Variants in LIN54 observed in about 807,000 individuals in gnomAD.
LIN54 encodes lin-54 DREAM MuvB core complex component, also known as protein lin-54 homolog.
Under a neutral mutation model 78.7 loss-of-function variants are expected in LIN54, and 9 were observed. That is an observed-to-expected ratio of 0.11 (90% CI 0.07 to 0.20). LIN54 has a LOEUF of 0.20. Among genes scored for constraint, LIN54 ranks in the 10% least tolerant of loss-of-function variants. The pLI is 1.00. For missense variants in LIN54, 573 were observed against 889.9 expected, an observed-to-expected ratio of 0.64 and a Z score of 4.53; for synonymous variants, 269 against 318.4, an observed-to-expected ratio of 0.84 and a Z score of 1.65.
At chr4:82,978,121 G>T (rs1451163895) in intron 3 of LIN54, among the ~76,000 whole-genome samples, 1 of 152,206 alleles carries the variant, frequency 6.6e-6, no homozygotes, top group Non-Finnish European at 1.5e-5. Flanking sequence ...GCTGGATTGG[G>T]AGTAGAAAGG....
At chr4:82,935,787 A>G (rs1490873178) in intron 11 of LIN54, among the ~76,000 whole-genome samples, 194 bp downstream of exon 11, 1 of 152,154 alleles carries the variant, frequency 6.6e-6, no homozygotes, top group Non-Finnish European at 1.5e-5. Context: ...CTGTAATAAT[A>G]AACCCAAGGT....
chr4:82,972,486 G>A (rs748962773), intron 3 of LIN54, among the ~76,000 whole-genome samples: 1 of 152,012 alleles, frequency 6.6e-6, no homozygotes, highest in Non-Finnish European at 1.5e-5. Flanking sequence ...TTAGAGAGCC[G>A]CCCTAAAGTA....
At chr4:82,949,453 G>A (rs1723675229) in intron 4 of LIN54, among the ~76,000 whole-genome samples, 2 of 152,184 alleles carry the variant, frequency 1.3e-5, no homozygotes, top group Admixed American at 6.5e-5. Flanking sequence ...CTAGAGTGCA[G>A]TGGTGCCATC....
intron 4 of LIN54, among the ~76,000 whole-genome samples, chr4:82,949,578 A>G (rs985620673): frequency 1.7e-4 from 26 of 151,484 alleles, no homozygotes; most frequent in Middle Eastern, 3.4e-3. Context: ...TGTATTTTGA[A>G]TAGAGACGGG....
intron 4 of LIN54, among the ~76,000 whole-genome samples, chr4:82,963,609 T>A: frequency 6.6e-6 from 1 of 152,092 alleles, no homozygotes; most frequent in East Asian, 1.9e-4. Flanking sequence ...TTTCTTACCC[T>A]ACATTAAGTA....
intron 3 of LIN54, among the ~76,000 whole-genome samples, chr4:82,972,000 AATGCT>A (rs144733516): frequency 0.35 from 53,673 of 151,558 alleles, 11,259 homozygotes; most frequent in African/African-American, 0.58. Flanking sequence ...ATAAAGAACT[AATGCT>A]TAGCAGCTTC....
chr4:82,998,571 GGAAAGAAAAGAGA>G (rs201303236), intron 1 of LIN54, among the ~76,000 whole-genome samples: 4,041 of 148,026 alleles, frequency 0.027, 120 homozygotes, highest in African/African-American at 0.07. Context: ...AGAGAGGGAG[GGAAAGAAAAGAGA>G]GAAAGAAAAG....
chr4:82,939,675 C>T lies in LIN54; in HGVS notation c.1304G>A (p.Arg435Gln), dbSNP rs1186099297. The change falls in exon 7 of 13, where the codon CGG (arginine) becomes CAG (glutamine). Residue 435 changes from arginine (R) to glutamine (Q), a missense_variant. Arg to Gln is a conservative substitution (Grantham distance 43, BLOSUM62 1). Around this residue, in one of 6 missense-constraint regions of LIN54, gnomAD observed 199 missense variants for 260.9 expected, o/e 0.76. Coordinates refer to ENST00000340417, the MANE Select transcript of LIN54 (RefSeq NM_194282.4). ...QIVTTSQPQQ[R>Q]LIMPATPLPQ... ...CAGTGGTGTGGCAGGCATGATAAGC[C>T]GTTGCTGTGGCTGGCTAGTAGTTAC... 3.7e-6 allele frequency: 6 copies of T among 1,613,876 alleles called. No individual in the cohort carries two copies. Among genetic ancestry groups the T allele is most frequent in the Non-Finnish European group, 5.1e-6 (6 of 1,179,940 alleles).
At chr4:82,984,035 C>T (rs887559174) in intron 2 of LIN54, 126 bp downstream of exon 2, 2 of 684,160 alleles carry the variant, frequency 2.9e-6, no homozygotes, top group Admixed American at 3.2e-5. Context: ...CACACAATTA[C>T]ATAAAACAAC....
chr4:82,945,009 G>A (rs1011816703), intron 5 of LIN54, among the ~76,000 whole-genome samples: 3 of 152,078 alleles, frequency 2.0e-5, no homozygotes, highest in Non-Finnish European at 2.9e-5. Flanking sequence ...TCACAGGCAC[G>A]CGCCATCACA....
chr4:82,963,467 C>T (rs1724963854), intron 4 of LIN54, among the ~76,000 whole-genome samples: 1 of 152,070 alleles, frequency 6.6e-6, no homozygotes, highest in African/African-American at 2.4e-5. Context: ...TTTTCAATTG[C>T]TTCACAAGGT....
chr4:82,977,849 A>G (rs1726287940), intron 3 of LIN54, among the ~76,000 whole-genome samples: 2 of 152,174 alleles, frequency 1.3e-5, no homozygotes, highest in African/African-American at 4.8e-5. Context: ...GTCATTTAGT[A>G]TGGCTCTGGA....
chr4:82,951,835 C>T (rs534777148), intron 4 of LIN54, among the ~76,000 whole-genome samples: 12 of 152,028 alleles, frequency 7.9e-5, no homozygotes, highest in Admixed American at 5.9e-4. Flanking sequence ...TATGATCAAA[C>T]GATTTTCAAC....
rs888801939 is a variant in LIN54 at position 82,927,810 on chromosome 4, T to C, written c.*292A>G. 3 of 283,164 alleles carry C rather than the reference T, an allele frequency of 1.1e-5. No individual in the cohort carries two copies. The highest frequency in any genetic ancestry group is 1.9e-5 in the Non-Finnish European group (3 of 159,840). The allele number at this position is 283,164 out of a possible 1,614,324, so 17.5% of individuals were successfully genotyped here. On this transcript the variant is annotated 3_prime_UTR_variant, in exon 13 of 13. Coordinates refer to ENST00000340417, the MANE Select transcript of LIN54 (RefSeq NM_194282.4). ...AATTATATGAATTTATAAACATTTT[T>C]TGTCAAAGGTATCAGAAAGAGAACA...
intron 2 of LIN54, among the ~76,000 whole-genome samples, chr4:82,981,909 C>T (rs894870156): frequency 3.9e-5 from 6 of 152,058 alleles, no homozygotes; most frequent in African/African-American, 1.4e-4. Context: ...TGGTTTGCAT[C>T]TGTAGTCCCA....
chr4:83,010,841 T>TCCACCC, upstream of LIN54: 1 of 1,183,008 alleles, frequency 8.5e-7, no homozygotes, highest in Non-Finnish European at 1.0e-6. Flanking sequence ...CCCTTCCTCC[T>TCCACCC]CCTCCCCTCC....
intron 4 of LIN54, among the ~76,000 whole-genome samples, chr4:82,968,638 C>T (rs562539806): frequency 1.3e-4 from 20 of 152,170 alleles, no homozygotes; most frequent in South Asian, 8.3e-4. Context: ...ACACACAGGC[C>T]GCAGCCTAGA....
intron 1 of LIN54, among the ~76,000 whole-genome samples, chr4:83,001,858 AAAGGAT>A (rs1455474845): frequency 0.021 from 92 of 4,378 alleles, 17 homozygotes; most frequent in South Asian, 0.11. Context: ...AAAAAAAAAA[AAAGGAT>A]AGGAAGGAAG....
chr4:82,999,793 A>AAAAAAAAAAAAAAAAAC (rs1728588332), intron 1 of LIN54, among the ~76,000 whole-genome samples: 1 of 151,046 alleles, frequency 6.6e-6, no homozygotes, highest in African/African-American at 2.4e-5. Flanking sequence ...AAAAAAAAAA[A>AAAAAAAAAAAAAAAAAC]AAGGCAAGAA....
Sources: allele counts gnomAD v4.1 joint callset (sites outside exome capture counted in the v4.1 genomes callset), GRCh38; gene constraint gnomAD v4.1.1; regional missense constraint gnomAD v4.1.1; transcripts MANE v1.5; gene names NCBI Gene and HGNC (gene_info 2026-07-23, HGNC 2026-07-21).